FHIT: variants seen among roughly 807,000 people sequenced by gnomAD.
The protein encoded by FHIT is bis(5'-adenosyl)-triphosphatase.
FHIT carries 19 observed loss-of-function variants against 17.9 expected under a neutral mutation model. The ratio of observed to expected loss-of-function variants is 1.06; its 90% CI spans 0.74 to 1.56. The LOEUF (loss-of-function observed/expected upper bound fraction) is 1.56. FHIT is among the 40% of genes most tolerant of loss of function. FHIT has a pLI of 0.00. For missense variants in FHIT, 248 were observed against 189.2 expected, an observed-to-expected ratio of 1.31 and a Z score of -1.82; for synonymous variants, 81 against 69.7, an observed-to-expected ratio of 1.16 and a Z score of -0.81.
intron 4 of FHIT, among the ~76,000 whole-genome samples, chr3:60,592,419 G>A (rs2038118008): frequency 6.6e-6 from 1 of 152,012 alleles, no homozygotes; most frequent in South Asian, 2.1e-4. Context: ...GGCTTAAGCA[G>A]ACATGGTCTA....
intron 5 of FHIT, among the ~76,000 whole-genome samples, chr3:60,405,637 C>T (rs1701828664): frequency 6.6e-6 from 1 of 152,204 alleles, no homozygotes; most frequent in Non-Finnish European, 1.5e-5. Flanking sequence ...AAGCCTCCTA[C>T]ATCGCTAGCC....
At chr3:60,548,805 T>C (rs2036453328) in intron 4 of FHIT, among the ~76,000 whole-genome samples, 2 of 152,214 alleles carry the variant, frequency 1.3e-5, no homozygotes, top group South Asian at 4.1e-4. Context: ...ACTAGGTCTA[T>C]TAAGATCAAC....
In FHIT at chr3:60,489,042, G is replaced by T. The variant is rs570787540; in HGVS notation, c.103+47818C>A. On this transcript the variant is annotated intron_variant, in intron 5 of 9. Coordinates refer to ENST00000492590, the MANE Select transcript of FHIT (RefSeq NM_002012.4). Reference sequence around the variant, plus strand: ...AACCAGATGATGTCCAATGAGTTGGGATTTCCAAGAGAGACCATGAGCAGT... The same window carrying T: ...AACCAGATGATGTCCAATGAGTTGGTATTTCCAAGAGAGACCATGAGCAGT... Among the ~76,000 whole-genome samples, 3 of 152,250 alleles carry T rather than the reference G, an allele frequency of 2.0e-5. No individual in the cohort carries two copies. In the East Asian group the frequency reaches 5.8e-4, roughly 29 times the overall value.
intron 4 of FHIT, among the ~76,000 whole-genome samples, chr3:60,594,787 G>C (rs1166415784): frequency 6.6e-6 from 1 of 151,926 alleles, no homozygotes. Flanking sequence ...TTCTCCCTGG[G>C]GGCCTTCTAT....
At chr3:60,234,208 C>A (rs1270716423) in intron 5 of FHIT, among the ~76,000 whole-genome samples, 1 of 152,052 alleles carries the variant, frequency 6.6e-6, no homozygotes, top group African/African-American at 2.4e-5. Context: ...GTACATAGCA[C>A]AGGGACAACA....
chr3:60,543,907 C>CTTTTTTCTTTTTTTT (rs2036270556), intron 4 of FHIT, among the ~76,000 whole-genome samples: 1 of 52,078 alleles, frequency 1.9e-5, no homozygotes, highest in Non-Finnish European at 3.0e-5. Flanking sequence ...CCACGCCCGG[C>CTTTTTTCTTTTTTTT]TTTTTTTTTT....
At chr3:60,068,024 C>T (rs1409166270) in intron 5 of FHIT, among the ~76,000 whole-genome samples, 2 of 152,110 alleles carry the variant, frequency 1.3e-5, no homozygotes, top group South Asian at 2.1e-4. Context: ...TCATATGAGG[C>T]CAGGAGTTTG....
intron 4 of FHIT, among the ~76,000 whole-genome samples, chr3:60,670,662 G>A (rs537190590): frequency 5.3e-5 from 8 of 152,256 alleles, no homozygotes; most frequent in African/African-American, 1.7e-4. Flanking sequence ...AGAAAAACGA[G>A]TCCTAATATT....
intron 4 of FHIT, among the ~76,000 whole-genome samples, chr3:60,698,702 T>C (rs1553701281): frequency 6.6e-6 from 1 of 152,084 alleles, no homozygotes; most frequent in Non-Finnish European, 1.5e-5. Flanking sequence ...ACTGAGTCTA[T>C]ATATATTTTA....
chr3:60,242,074 T>C (rs551633618), intron 5 of FHIT, among the ~76,000 whole-genome samples: 2 of 152,208 alleles, frequency 1.3e-5, no homozygotes, highest in African/African-American at 4.8e-5. Flanking sequence ...TAAAACTTCA[T>C]TGATTTAGGC....
At chr3:60,649,148 A>G (rs2039933019) in intron 4 of FHIT, among the ~76,000 whole-genome samples, 1 of 152,228 alleles carries the variant, frequency 6.6e-6, no homozygotes, top group Non-Finnish European at 1.5e-5. Context: ...CTGTAATCCC[A>G]GCACTTTGGG....
intron 3 of FHIT, among the ~76,000 whole-genome samples, chr3:60,862,845 C>G (rs1187976025): frequency 7.0e-6 from 1 of 142,232 alleles, no homozygotes; most frequent in Non-Finnish European, 1.5e-5. Context: ...GAGTGAAACT[C>G]CCTCTCAAAA....
chr3:61,212,948 C>A (rs983545852), intron 1 of FHIT, among the ~76,000 whole-genome samples: 2 of 152,172 alleles, frequency 1.3e-5, no homozygotes, highest in Non-Finnish European at 2.9e-5. Flanking sequence ...TACAGACAAG[C>A]AAATGCTGAG....
intron 5 of FHIT, among the ~76,000 whole-genome samples, chr3:60,137,654 C>T (rs1699871779): frequency 6.6e-6 from 1 of 152,158 alleles, no homozygotes; most frequent in Non-Finnish European, 1.5e-5. Flanking sequence ...ATACCTGAAA[C>T]TCTGTTAGGA....
chr3:60,093,778 C>T (rs936746632), intron 5 of FHIT, among the ~76,000 whole-genome samples: 28 of 152,186 alleles, frequency 1.8e-4, no homozygotes, highest in Admixed American at 1.6e-3. Flanking sequence ...TAGGGTGGAA[C>T]AGTTTCATCC....
At chr3:60,424,710 A>C (rs892071059) in intron 5 of FHIT, among the ~76,000 whole-genome samples, 1 of 152,142 alleles carries the variant, frequency 6.6e-6, no homozygotes, top group African/African-American at 2.4e-5. Flanking sequence ...AAATATCTTG[A>C]TGCTTACCTC....
At chr3:60,779,761 G>A (rs897020113) in intron 4 of FHIT, among the ~76,000 whole-genome samples, 1 of 152,094 alleles carries the variant, frequency 6.6e-6, no homozygotes, top group African/African-American at 2.4e-5. Context: ...TAGGGATCCA[G>A]AGGCAAATGA....
At chr3:60,075,482 A>T (rs1702963837) in intron 5 of FHIT, among the ~76,000 whole-genome samples, 1 of 152,162 alleles carries the variant, frequency 6.6e-6, no homozygotes, top group Non-Finnish European at 1.5e-5. Context: ...ATTTAATTCC[A>T]TATTATTCGA....
intron 5 of FHIT, among the ~76,000 whole-genome samples, chr3:60,196,040 GA>G (rs1406555180): frequency 1.3e-5 from 2 of 151,978 alleles, no homozygotes; most frequent in South Asian, 4.2e-4. Flanking sequence ...TTGTTTAAAC[GA>G]AAAAAACTTG....
Sources: gnomAD v4.1 joint callset for allele counts (sites outside exome capture counted in the v4.1 genomes callset) on GRCh38, gnomAD v4.1.1 for gene constraint, MANE v1.5 for transcripts, NCBI Gene and HGNC (gene_info 2026-07-23, HGNC 2026-07-21) for gene names.